The following SAXO1 variants were observed in gnomAD, a reference collection of about 807,000 sequenced individuals.
The protein encoded by SAXO1 is 4930500O09Rik.
Under a neutral mutation model 17.5 loss-of-function variants are expected in SAXO1, and 21 were observed. The observed-to-expected ratio is 1.20, with a 90% confidence interval of 0.85 to 1.72. The LOEUF is 1.72. SAXO1 is among the 40% of genes most tolerant of loss of function. The probability of loss-of-function intolerance (pLI) is 0.00; values close to 1 mark genes in which losing one functional copy is unlikely to be tolerated. For synonymous variants in SAXO1, 274 were observed against 216.5 expected (o/e 1.27, Z -2.33); for missense variants, 843 against 596.0 (o/e 1.41, Z -4.32).
intron 1 of SAXO1, among the ~76,000 whole-genome samples, chr9:18,996,488 A>T (rs1044208199): frequency 2.0e-5 from 3 of 152,358 alleles, no homozygotes; most frequent in Non-Finnish European, 4.4e-5. Context: ...TTATGTATCT[A>T]AGCATACAAA....
At chr9:19,044,970 G>T (rs144774719) in intron 1 of SAXO1, among the ~76,000 whole-genome samples, 2 of 152,148 alleles carry the variant, frequency 1.3e-5, no homozygotes, top group Admixed American at 1.3e-4. Flanking sequence ...ATCAGTGAGA[G>T]CAGAGACTGC....
intron 3 of SAXO1, among the ~76,000 whole-genome samples, chr9:18,932,085 A>G (rs1018796029): frequency 1.3e-5 from 2 of 152,226 alleles, no homozygotes; most frequent in African/African-American, 2.4e-5. Flanking sequence ...TATATCTTTA[A>G]TAAATCATGC....
intron 1 of SAXO1, among the ~76,000 whole-genome samples, chr9:18,990,402 C>T (rs1833768559): frequency 6.6e-6 from 1 of 152,024 alleles, no homozygotes; most frequent in Non-Finnish European, 1.5e-5. Context: ...AAAATTAAAC[C>T]CCTAATTAGA....
At chr9:19,009,056 A>G (rs1389037256) in intron 1 of SAXO1, among the ~76,000 whole-genome samples, 1 of 152,232 alleles carries the variant, frequency 6.6e-6, no homozygotes, top group African/African-American at 2.4e-5. Flanking sequence ...TTTCAAATAA[A>G]CAAATATAAT....
Position 18,928,559 on chromosome 9 carries a change from T to C in SAXO1, c.918A>G (p.Thr306=). The C allele has an allele frequency of 6.2e-7, 1 of 1,614,136 alleles. No individual in the cohort carries two copies. Among genetic ancestry groups the C allele is most frequent in the Non-Finnish European group, 8.5e-7 (1 of 1,180,008 alleles). The change falls in exon 4 of 4, where the codon ACA becomes ACG. Residue 306 remains threonine, a synonymous_variant. Transcript: ENST00000380534. ...TAGGGCATGTGTAATGGGCCTGCAC[T>C]GTTGTCAGAAGATCCATCCTGTCTT... The part of the protein sequence containing the change: ...PPEDRMDLLT[T]VQAHYTCPKG...
intron 1 of SAXO1, among the ~76,000 whole-genome samples, chr9:19,045,524 G>C (rs1836193522): frequency 6.6e-6 from 1 of 152,062 alleles, no homozygotes; most frequent in Non-Finnish European, 1.5e-5. Flanking sequence ...TTGTAAACAG[G>C]ATTAAGCTGG....
intron 1 of SAXO1, chr9:19,027,981 T>C: frequency 6.4e-7 from 1 of 1,558,948 alleles, no homozygotes; most frequent in Non-Finnish European, 8.8e-7. Flanking sequence ...GCTGCACAGA[T>C]GACTTCAACG....
intron 3 of SAXO1, 57 bp downstream of exon 3, chr9:18,941,580 G>A (rs373134677): frequency 6.3e-7 from 1 of 1,598,352 alleles, no homozygotes; most frequent in South Asian, 1.1e-5. Flanking sequence ...ACATTTCCTG[G>A]CCCGCACACA....
intron 1 of SAXO1, among the ~76,000 whole-genome samples, chr9:18,972,470 A>G (rs1336481289): frequency 2.0e-5 from 3 of 152,180 alleles, no homozygotes; most frequent in African/African-American, 7.2e-5. Context: ...AATATTTGAC[A>G]TTTGCATTGA....
At chr9:18,966,137 G>A (rs1832707210) in intron 1 of SAXO1, among the ~76,000 whole-genome samples, 1 of 152,312 alleles carries the variant, frequency 6.6e-6, no homozygotes, top group African/African-American at 2.4e-5. Context: ...GCTTCCCTTT[G>A]TGGGCAACCC....
Position 18,927,899 on chromosome 9 carries a change from G to A in SAXO1, c.*153C>T. On this transcript the variant is annotated 3_prime_UTR_variant, in exon 4 of 4. Transcript: ENST00000380534. ...AAATGTCATTTTCCCTGAGTCAAGTGATTCTCATTTTATTCAAGTGCTCTG... is the reference window on the plus strand; with the variant it reads ...AAATGTCATTTTCCCTGAGTCAAGTAATTCTCATTTTATTCAAGTGCTCTG... 1.3e-6 allele frequency: 1 copy of A among 784,492 alleles called. No individual in the cohort carries two copies. Among genetic ancestry groups the A allele is most frequent in the Non-Finnish European group, 1.9e-6 (1 of 515,148 alleles). 48.6% of individuals were successfully genotyped at this position (784,492 alleles called of 1,614,324 possible).
intron 3 of SAXO1, among the ~76,000 whole-genome samples, chr9:18,931,181 CCAT>C (rs1188587993): frequency 6.6e-6 from 1 of 152,134 alleles, no homozygotes; most frequent in African/African-American, 2.4e-5. Context: ...GTCTTTACTC[CCAT>C]CTCCAGCCCC....
At position 18,945,824 on chromosome 9, in the gene SAXO1, G is replaced by A. The variant is rs143652080; in HGVS notation, c.219-3985C>T. Among the ~76,000 whole-genome samples, 137 of 152,276 alleles carry A rather than the reference G, an allele frequency of 9.0e-4. 1 individual carries two copies. In the East Asian group the frequency reaches 0.021, roughly 23 times the overall value. On this transcript the variant is annotated intron_variant, in intron 2 of 3. Transcript: ENST00000380534. ...GGTAGATTCTGGGGAGAGCCAACAGGTGGAAGCAGAAAATGGCACTGTGTG... is the reference window on the plus strand; with the variant it reads ...GGTAGATTCTGGGGAGAGCCAACAGATGGAAGCAGAAAATGGCACTGTGTG...
At chr9:18,973,685 G>T (rs1421442241) in intron 1 of SAXO1, among the ~76,000 whole-genome samples, 1 of 152,146 alleles carries the variant, frequency 6.6e-6, no homozygotes, top group Admixed American at 6.5e-5. Context: ...TGGTATCCCT[G>T]GTATCTGATC....
chr9:19,032,158 C>T (rs1454727675), intron 1 of SAXO1, among the ~76,000 whole-genome samples: 1 of 152,188 alleles, frequency 6.6e-6, no homozygotes, highest in African/African-American at 2.4e-5. Context: ...TGTTGCTCCT[C>T]TGCTGCCCAC....
chr9:18,944,743 ACT>A (rs1831717237), intron 2 of SAXO1, among the ~76,000 whole-genome samples: 2 of 152,158 alleles, frequency 1.3e-5, no homozygotes, highest in Admixed American at 6.5e-5. Flanking sequence ...GTGTTTGACA[ACT>A]CTCTGACAAA....
chr9:18,948,832 C>T (rs1293624328), intron 2 of SAXO1, among the ~76,000 whole-genome samples: 4 of 152,214 alleles, frequency 2.6e-5, no homozygotes, highest in Middle Eastern at 3.2e-3. Flanking sequence ...CTGAAGCCAA[C>T]TAGACATCTC....
intron 1 of SAXO1, among the ~76,000 whole-genome samples, chr9:19,029,259 ATG>A (rs1483708354): frequency 1.6e-4 from 24 of 152,340 alleles, no homozygotes; most frequent in South Asian, 4.1e-4. Context: ...GAAGAAGAGA[ATG>A]TGAGAGAGAA....
intron 2 of SAXO1, among the ~76,000 whole-genome samples, chr9:18,944,439 A>G (rs1476301620): frequency 1.3e-5 from 2 of 152,232 alleles, no homozygotes; most frequent in Admixed American, 6.5e-5. Flanking sequence ...CGTAAAAGAA[A>G]AGTCTATATT....
Sources: allele counts gnomAD v4.1 joint callset (sites outside exome capture counted in the v4.1 genomes callset), GRCh38; gene constraint gnomAD v4.1.1; transcripts MANE v1.5; gene names NCBI Gene and HGNC (gene_info 2026-07-23, HGNC 2026-07-21).